ADIPOR2: variants seen among roughly 807,000 people sequenced by gnomAD.
ADIPOR2 encodes adiponectin receptor 2, also known as adiponectin receptor protein 2.
ADIPOR2 carries 18 observed loss-of-function variants against 40.9 expected under a neutral mutation model. The observed-to-expected ratio is 0.44, with a 90% CI of 0.30 to 0.65. The LOEUF is 0.65. ADIPOR2 is among the 30% of genes least tolerant of loss of function. The pLI is 0.09. For synonymous variants in ADIPOR2, 165 were observed against 166.4 expected (o/e 0.99, Z 0.06); for missense variants, 283 against 479.2 (o/e 0.59, Z 3.82).
rs1045942705 is a variant in ADIPOR2, at chr12:1,780,806, T to C, written c.651-83T>C. 3 of 1,409,996 alleles carry C rather than the reference T, an allele frequency of 2.1e-6. No individual in the cohort carries two copies. The African/African-American group carries it at 4.4e-5, about 21-fold the overall frequency. 87.3% of individuals were successfully genotyped at this position (1,409,996 alleles called of 1,614,324 possible). A position where few individuals can be genotyped will look rare whatever the true frequency, so the allele number is the denominator to read the frequency against. ...GCTCTTAGGTGTCGTTGATGGCTTA[T>C]GTCATGAGGGATTAATTGGAACCTG... On this transcript the variant is annotated intron_variant, in intron 5 of 7. Coordinates refer to ENST00000357103, the MANE Select transcript of ADIPOR2 (RefSeq NM_024551.3).
At chr12:1,713,573 G>A (rs1252420251) in intron 1 of ADIPOR2, among the ~76,000 whole-genome samples, 1 of 152,004 alleles carries the variant, frequency 6.6e-6, no homozygotes. Context: ...AGGCTTCAGG[G>A]TTGATTCCCT....
At chr12:1,728,089 T>C (rs1434403110) in intron 1 of ADIPOR2, among the ~76,000 whole-genome samples, 1 of 151,956 alleles carries the variant, frequency 6.6e-6, no homozygotes, top group East Asian at 1.9e-4. Flanking sequence ...TGTTCCTTCC[T>C]ATCAGCTGTT....
chr12:1,740,645 A>G (rs1214020813), intron 1 of ADIPOR2, among the ~76,000 whole-genome samples: 2 of 152,208 alleles, frequency 1.3e-5, no homozygotes, highest in Non-Finnish European at 2.9e-5. Flanking sequence ...GGAATTTCTG[A>G]TAGAAACTTC....
At chr12:1,712,298 G>A (rs945838191) in intron 1 of ADIPOR2, among the ~76,000 whole-genome samples, 10 of 152,096 alleles carry the variant, frequency 6.6e-5, no homozygotes, top group African/African-American at 1.2e-4. Flanking sequence ...TTGAAGCATC[G>A]GTCCCTCAAG....
intron 1 of ADIPOR2, among the ~76,000 whole-genome samples, chr12:1,704,399 G>A (rs1175045138): frequency 6.6e-6 from 1 of 152,130 alleles, no homozygotes; most frequent in African/African-American, 2.4e-5. Context: ...AAATTAGATT[G>A]CACTTTCTTT....
chr12:1,698,088 C>G (rs1202761272), intron 1 of ADIPOR2: 1 of 152,156 alleles, frequency 6.6e-6, no homozygotes, highest in East Asian at 1.9e-4. Flanking sequence ...CTCAGAGAAC[C>G]CGTACTGCTG....
intron 2 of ADIPOR2, among the ~76,000 whole-genome samples, chr12:1,759,411 C>T (rs1862222000): frequency 6.6e-6 from 1 of 152,060 alleles, no homozygotes; most frequent in South Asian, 2.1e-4. Flanking sequence ...ATTCACATGC[C>T]AATCATGAAT....
At chr12:1,701,522 T>C (rs1465924882) in intron 1 of ADIPOR2, among the ~76,000 whole-genome samples, 1 of 152,258 alleles carries the variant, frequency 6.6e-6, no homozygotes, top group Non-Finnish European at 1.5e-5. Flanking sequence ...GTAAATGATA[T>C]ATTCTGCTTA....
In ADIPOR2 at chr12:1,697,737, G is replaced by A. The variant is rs1275165467; in HGVS notation, c.-87+6546G>A. The A allele has an allele frequency of 2.6e-5, 4 of 152,632 alleles. No individual in the cohort carries two copies. The South Asian group carries it at 6.2e-4, about 24-fold the overall frequency. The allele number at this position is 152,632 out of a possible 1,614,324, so 9.5% of individuals were successfully genotyped here. A position where few individuals can be genotyped will look rare whatever the true frequency, so the allele number is the denominator to read the frequency against. On this transcript the variant is annotated intron_variant, in intron 1 of 7. Transcript: ENST00000357103. ...TATGATACTTCTCAGCAAGATCAAA[G>A]CTTTGTAAAATGTTATTAGATGATT...
intron 1 of ADIPOR2, among the ~76,000 whole-genome samples, chr12:1,699,211 T>G (rs939185989): frequency 2.6e-5 from 4 of 152,218 alleles, no homozygotes; most frequent in African/African-American, 9.6e-5. Flanking sequence ...GTAAATGGTC[T>G]TTTAAAAATC....
chr12:1,755,846 T>C (rs1862114131), intron 2 of ADIPOR2, among the ~76,000 whole-genome samples: 4 of 152,224 alleles, frequency 2.6e-5, no homozygotes, highest in Admixed American at 2.6e-4. Flanking sequence ...AATAAAAACA[T>C]TGAAGTGTGT....
intron 1 of ADIPOR2, among the ~76,000 whole-genome samples, chr12:1,701,833 A>G (rs1033836337): frequency 2.8e-4 from 42 of 152,196 alleles, no homozygotes; most frequent in African/African-American, 9.9e-4. Context: ...TAAAAACTGC[A>G]TGTTGTGGCT....
At chr12:1,729,641 T>TTTG (rs2094715751) in intron 1 of ADIPOR2, among the ~76,000 whole-genome samples, 1 of 56,116 alleles carries the variant, frequency 1.8e-5, no homozygotes, top group African/African-American at 4.6e-5. Context: ...TTTTTTTTTT[T>TTTG]GAGTGTTTTT....
At chr12:1,708,333 C>G (rs1033427730) in intron 1 of ADIPOR2, among the ~76,000 whole-genome samples, 3 of 151,854 alleles carry the variant, frequency 2.0e-5, no homozygotes, top group African/African-American at 7.3e-5. Flanking sequence ...TGTGGCTTGC[C>G]TTTCATTTTC....
chr12:1,767,487 ATT>A (rs138301736), intron 2 of ADIPOR2, among the ~76,000 whole-genome samples: 1 of 150,680 alleles, frequency 6.6e-6, no homozygotes, highest in East Asian at 1.9e-4. Flanking sequence ...TTCAGCTATC[ATT>A]TTTTTTTGTA....
At chr12:1,779,605 C>T (rs577541675) in intron 4 of ADIPOR2, among the ~76,000 whole-genome samples, 18 of 152,196 alleles carry the variant, frequency 1.2e-4, no homozygotes, top group Middle Eastern at 6.8e-3. Flanking sequence ...GTTGTACAAC[C>T]TTGTGAATAT....
At chr12:1,702,670 C>T (rs558771953) in intron 1 of ADIPOR2, among the ~76,000 whole-genome samples, 2 of 152,272 alleles carry the variant, frequency 1.3e-5, no homozygotes, top group South Asian at 4.1e-4. Flanking sequence ...AAGTTCATTA[C>T]ATACTTCGAT....
intron 1 of ADIPOR2, among the ~76,000 whole-genome samples, chr12:1,753,676 G>A (rs1447816426): frequency 1.3e-5 from 2 of 152,070 alleles, no homozygotes; most frequent in African/African-American, 4.8e-5. Context: ...ATAAAGTATG[G>A]TGAATTTTGT....
chr12:1,744,158 G>A (rs557256550), intron 1 of ADIPOR2, among the ~76,000 whole-genome samples: 1 of 151,600 alleles, frequency 6.6e-6, no homozygotes, highest in East Asian at 1.9e-4. Flanking sequence ...CCAGGCTGGA[G>A]TGCAGTGGTA....
Sources: gnomAD v4.1 joint callset for allele counts (sites outside exome capture counted in the v4.1 genomes callset) on GRCh38, gnomAD v4.1.1 for gene constraint, MANE v1.5 for transcripts, NCBI Gene and HGNC (gene_info 2026-07-23, HGNC 2026-07-21) for gene names.